Variants in FOXP4 observed in about 807,000 individuals in gnomAD.
FOXP4 encodes forkhead box P4.
In FOXP4, 25 loss-of-function variants were observed where a neutral mutation model predicts 82.6. That is an observed-to-expected ratio of 0.30 (90% CI 0.22 to 0.42). The LOEUF (loss-of-function observed/expected upper bound fraction) is 0.42. Ranked by LOEUF, FOXP4 falls within the 10% of genes least tolerant of loss-of-function variation. FOXP4 has a pLI of 1.00. For synonymous variants in FOXP4, 415 were observed against 388.2 expected, an observed-to-expected ratio of 1.07 and a Z score of -0.81; for missense variants, 785 against 900.9, an observed-to-expected ratio of 0.87 and a Z score of 1.65.
chr6:41,576,592 C>T (rs1158209363), intron 2 of FOXP4, among the ~76,000 whole-genome samples: 1 of 151,964 alleles, frequency 6.6e-6, no homozygotes, highest in African/African-American at 2.4e-5. Context: ...GCGCAGGGCA[C>T]GAGGCTATGT....
At chr6:41,588,206 C>T (rs1041253342) in intron 8 of FOXP4, among the ~76,000 whole-genome samples, 1 of 152,214 alleles carries the variant, frequency 6.6e-6, no homozygotes, top group Non-Finnish European at 1.5e-5. Context: ...CCAGCCTCAG[C>T]CCCGGGGAGT....
At chr6:41,560,405 G>A (rs1267619582) in intron 1 of FOXP4, among the ~76,000 whole-genome samples, 1 of 152,252 alleles carries the variant, frequency 6.6e-6, no homozygotes, top group Non-Finnish European at 1.5e-5. Context: ...TAGGTTTCTG[G>A]AGAACTGGAA....
At chr6:41,555,304 A>C (rs2127318912) in intron 1 of FOXP4, among the ~76,000 whole-genome samples, 1 of 152,118 alleles carries the variant, frequency 6.6e-6, no homozygotes, top group South Asian at 2.1e-4. Flanking sequence ...TCTTTCTACC[A>C]CAGAGGTTAG....
rs1229901409 is a variant in FOXP4 at position 41,593,911 on chromosome 6, C to T, written c.1537-959C>T. ...TGTAAAGAGGAGACAAGGATGGGGACGAGGCGGGGGAGGCTAAGGGAGGAC... is the reference window on the plus strand; with the variant it reads ...TGTAAAGAGGAGACAAGGATGGGGATGAGGCGGGGGAGGCTAAGGGAGGAC... On this transcript the variant is annotated intron_variant, in intron 13 of 16. Coordinates refer to ENST00000307972, the MANE Select transcript of FOXP4 (RefSeq NM_001012426.2). The surrounding 1 kb of genome is among the most constrained non-coding windows in gnomAD (Gnocchi z 4.1). Among the ~76,000 whole-genome samples the T allele has an allele frequency of 6.6e-6, 1 of 152,016 alleles. No homozygotes were observed. The highest frequency in any genetic ancestry group is 1.5e-5 in the Non-Finnish European group (1 of 68,014).
intron 5 of FOXP4, 76 bp downstream of exon 5, chr6:41,585,593 G>A: frequency 3.0e-6 from 4 of 1,352,638 alleles, no homozygotes; most frequent in Non-Finnish European, 4.1e-6. Context: ...GGTCAGGAGG[G>A]AATTGCCTTG....
chr6:41,581,643 G>A lies in FOXP4; in HGVS notation c.301-3126G>A, dbSNP rs748614653. On this transcript the variant is annotated intron_variant, in intron 3 of 16. Transcript: ENST00000307972. ...CAGACCCCCAAGGGGCACAAGGAGA[G>A]GTGGATGAGGTCAACCAACTCAGGA... 2.0e-5 allele frequency among the ~76,000 whole-genome samples: 3 copies of A among 152,240 alleles called. No individual in the cohort carries two copies. The South Asian group carries it at 6.2e-4, about 31-fold the overall frequency.
rs979521760 is a variant in FOXP4, at chr6:41,587,152, G to T, written c.654G>T (p.Pro218=). The T allele has an allele frequency of 6.3e-7, 1 of 1,593,094 alleles. No homozygotes were observed. Among genetic ancestry groups the T allele is most frequent in the Non-Finnish European group, 8.5e-7 (1 of 1,171,260 alleles). Residue 218 remains proline, a synonymous_variant, in exon 6 of 17, where the codon CCG becomes CCT. Coordinates refer to ENST00000307972, the MANE Select transcript of FOXP4 (RefSeq NM_001012426.2). The part of the protein sequence containing the change: ...NQASGPLQTL[P]QAAVCPTDLP... ...CCTCGGGGCCCCTCCAGACCCTTCC[G>T]CAAGGTGAGCACCCGCCACTCCTCC...
Position 41,597,203 on chromosome 6 carries a change from C to G in FOXP4, c.1686C>G (p.Ile562Met). ...TGSPTLVKNM[I>M]SGLSYGALNA... ...GCCCCACCCTGGTGAAGAACATGAT[C>G]TCTGGCCTCAGCTATGGAGCACTTA... The change falls in exon 15 of 17, where the codon ATC becomes ATG. Residue 562 changes from isoleucine (I) to methionine (M), a missense_variant. Around this residue, in one of 3 missense-constraint regions of FOXP4, gnomAD observed 184 missense variants for 187.3 expected, o/e 0.98. Coordinates refer to ENST00000307972, the MANE Select transcript of FOXP4 (RefSeq NM_001012426.2). The G allele has an allele frequency of 6.2e-7, 1 of 1,614,192 alleles. No homozygotes were observed. Among genetic ancestry groups the G allele is most frequent in the Non-Finnish European group, 8.5e-7 (1 of 1,180,018 alleles).
chr6:41,551,064 A>G (rs1309589072), intron 1 of FOXP4, among the ~76,000 whole-genome samples: 1 of 152,194 alleles, frequency 6.6e-6, no homozygotes, highest in African/African-American at 2.4e-5. Context: ...ACACACCTTC[A>G]GTCCACTGCC....
At chr6:41,556,911 C>A (rs1764310598) in intron 1 of FOXP4, among the ~76,000 whole-genome samples, 1 of 152,216 alleles carries the variant, frequency 6.6e-6, no homozygotes, top group Non-Finnish European at 1.5e-5. Flanking sequence ...ATTTAATTGA[C>A]TTAGGGTGTG....
chr6:41,547,168 T>G (rs1008261632), intron 1 of FOXP4, among the ~76,000 whole-genome samples: 1 of 148,232 alleles, frequency 6.7e-6, no homozygotes, highest in Non-Finnish European at 1.5e-5. Flanking sequence ...GCGGCGGGAG[T>G]GGGGGCAGCC....
chr6:41,557,682 A>T (rs1434570720), intron 1 of FOXP4, among the ~76,000 whole-genome samples: 1 of 152,236 alleles, frequency 6.6e-6, no homozygotes, highest in African/African-American at 2.4e-5. Context: ...TTCACTTTTT[A>T]AATGTTTATA....
At chr6:41,581,086 C>T (rs1261028701) in intron 3 of FOXP4, among the ~76,000 whole-genome samples, 1 of 152,194 alleles carries the variant, frequency 6.6e-6, no homozygotes, top group Non-Finnish European at 1.5e-5. Flanking sequence ...TCGTCCATCC[C>T]CATCTGGCAT....
rs1303393369 is a variant in FOXP4 at position 41,578,050 on chromosome 6, A to G, written c.269A>G (p.Asn90Ser). 10 of 1,613,530 alleles carry G rather than the reference A, an allele frequency of 6.2e-6. No individual in the cohort carries two copies. In the South Asian group the frequency reaches 8.8e-5, roughly 14 times the overall value. Reference sequence around the variant, plus strand: ...TCAGGCCTGAGCTCCCCAGGGAACAATGACAGCAAACAGTCTGCCTCTGCT... The same window carrying G: ...TCAGGCCTGAGCTCCCCAGGGAACAGTGACAGCAAACAGTCTGCCTCTGCT... ...QASGLSSPGN[N>S]DSKQSASAVQ... The change falls in exon 3 of 17, where the codon AAT becomes AGT. Residue 90 changes from asparagine to serine, a missense_variant. Asn to Ser is a conservative substitution (Grantham distance 46). Transcript: ENST00000307972.
chr6:41,590,506 C>T (rs1283548179), intron 12 of FOXP4, among the ~76,000 whole-genome samples, 159 bp downstream of exon 12: 1 of 152,148 alleles, frequency 6.6e-6, no homozygotes, highest in Admixed American at 6.5e-5. Flanking sequence ...GCGGGGCTCT[C>T]CTGCAGGCTG....
At chr6:41,589,914 G>A (rs1211640608) in intron 10 of FOXP4, 49 bp from the exon 11 acceptor site, 2 of 1,610,620 alleles carry the variant, frequency 1.2e-6, no homozygotes, top group Non-Finnish European at 1.7e-6. Context: ...GGAGCCTCGG[G>A]ACCCCCACCC....
chr6:41,577,844 C>T, intron 2 of FOXP4, 142 bp from the exon 3 acceptor site: 1 of 604,528 alleles, frequency 1.7e-6, no homozygotes, highest in Non-Finnish European at 2.9e-6. Flanking sequence ...TTACCCCAAG[C>T]CCTTATGGAC....
At chr6:41,597,472 C>G (rs1229436943) in intron 15 of FOXP4, among the ~76,000 whole-genome samples, 7 of 152,200 alleles carry the variant, frequency 4.6e-5, no homozygotes, top group Admixed American at 1.3e-4. Context: ...GATGGCATAC[C>G]TATAGCATCC....
chr6:41,590,018 A>T lies in FOXP4; in HGVS notation c.1205A>T (p.Asp402Val). 4 of 1,613,456 alleles carry T rather than the reference A, an allele frequency of 2.5e-6. No homozygotes were observed. The highest frequency in any genetic ancestry group is 3.4e-6 in the Non-Finnish European group (4 of 1,179,854). Reference sequence around the variant, plus strand: ...TCCAAGGTGACCGTCTCTGCAGCAGACTCATTCCCAGATGGTCTCGTGCAC... The same window carrying T: ...TCCAAGGTGACCGTCTCTGCAGCAGTCTCATTCCCAGATGGTCTCGTGCAC... ...SFSKVTVSAA[D>V]SFPDGLVHPP... Residue 402 changes from aspartate (D) to valine (V), a missense_variant, in exon 11 of 17, where the codon GAC becomes GTC. Asp to Val is a radical substitution (Grantham distance 152). This residue lies in a region of FOXP4 where 570 missense variants were observed against 634.0 expected (regional missense o/e 0.90). Transcript: ENST00000307972.
Sources: allele counts gnomAD v4.1 joint callset (sites outside exome capture counted in the v4.1 genomes callset), GRCh38; gene constraint gnomAD v4.1.1; regional missense constraint gnomAD v4.1.1; non-coding constraint Gnocchi (gnomAD v3.1); transcripts MANE v1.5; gene names NCBI Gene and HGNC (gene_info 2026-07-23, HGNC 2026-07-21).